PSMA2: variants seen among roughly 807,000 people sequenced by gnomAD.
The protein encoded by PSMA2 is proteasome subunit alpha type-2.
Under a neutral mutation model 35.9 loss-of-function variants are expected in PSMA2, and 2 were observed. The ratio of observed to expected loss-of-function variants is 0.06; its 90% CI spans 0.02 to 0.18. The LOEUF (loss-of-function observed/expected upper bound fraction) is 0.18, where lower values mean the gene tolerates loss of function less well. PSMA2 is among the 10% of genes least tolerant of loss of function. The probability of loss-of-function intolerance (pLI) is 1.00; values close to 1 mark genes in which losing one functional copy is unlikely to be tolerated. For synonymous variants in PSMA2, 97 were observed against 98.2 expected (o/e 0.99, Z 0.07); for missense variants, 126 against 278.8 (o/e 0.45, Z 3.90).
At chr7:42,927,531 G>C in intron 1 of PSMA2, 72 bp from the exon 2 acceptor site, 1 of 1,434,004 alleles carries the variant, frequency 7.0e-7, no homozygotes, top group Non-Finnish European at 9.8e-7. Context: ...CTCTGAGATA[G>C]TACAGACATA....
At position 42,917,122 on chromosome 7, in the gene PSMA2, C is replaced by T. The variant is rs912044794; in HGVS notation, c.*452G>A. On this transcript the variant is annotated 3_prime_UTR_variant, in exon 8 of 8. Transcript: ENST00000223321. ...TTTCACTGATCAATACCTAATGGCA[C>T]CTAAAAGTACCTATGCTTCTTTTCT... The T allele has an allele frequency of 6.1e-6, 1 of 164,284 alleles. No individual in the cohort carries two copies. The highest frequency in any genetic ancestry group is 2.4e-5 in the African/African-American group (1 of 41,534). 10.2% of individuals were successfully genotyped at this position (164,284 alleles called of 1,614,324 possible). A position where few individuals can be genotyped will look rare whatever the true frequency, so the allele number is the denominator to read the frequency against.
At chr7:42,921,798 G>C in intron 6 of PSMA2, 60 bp downstream of exon 6, 1 of 1,354,352 alleles carries the variant, frequency 7.4e-7, no homozygotes, top group Non-Finnish European at 1.0e-6. Context: ...TTTACTTAAA[G>C]AGCACCAAAA....
intron 5 of PSMA2, 108 bp downstream of exon 5, chr7:42,923,216 GA>G: frequency 1.2e-6 from 1 of 840,636 alleles, no homozygotes. Flanking sequence ...AAGCCCAAGA[GA>G]AAAGAAGAAA....
At chr7:42,927,358 TGAA>T (rs1395011834) in intron 2 of PSMA2, 22 bp downstream of exon 2, 2 of 1,592,162 alleles carry the variant, frequency 1.3e-6, no homozygotes, top group African/African-American at 2.7e-5. Context: ...AACAGGCATC[TGAA>T]ATGAATGAAG....
intron 1 of PSMA2, among the ~76,000 whole-genome samples, chr7:42,929,064 G>A (rs367929818): frequency 6.6e-6 from 1 of 151,628 alleles, no homozygotes; most frequent in Non-Finnish European, 1.5e-5. Context: ...CTCCTGCCTC[G>A]GTCTCTTTAT....
chr7:42,924,912 G>A, intron 3 of PSMA2, 115 bp from the exon 4 acceptor site: 1 of 944,018 alleles, frequency 1.1e-6, no homozygotes, highest in East Asian at 3.1e-5. Flanking sequence ...TCTCTTTAAT[G>A]GTGGCTATTG....
intron 6 of PSMA2, chr7:42,921,335 C>T (rs2128673738): frequency 6.6e-6 from 1 of 152,364 alleles, no homozygotes; most frequent in South Asian, 2.1e-4. Flanking sequence ...TACAGTAACA[C>T]TGAGACTAGA....
Position 42,916,934 on chromosome 7 carries a change from T to C in PSMA2, c.*640A>G, listed in dbSNP as rs1161425255. The C allele has an allele frequency of 6.6e-6, 1 of 152,182 alleles. No homozygotes were observed. The highest frequency in any genetic ancestry group is 2.4e-5 in the African/African-American group (1 of 41,442). 9.4% of individuals were successfully genotyped at this position (152,182 alleles called of 1,614,324 possible). On this transcript the variant is annotated 3_prime_UTR_variant, in exon 8 of 8. Transcript: ENST00000223321. ...CTTGAGTTTAAAAAGTCTAACAAAA[T>C]CTAAGAACCCGGGTTCCTTTAAACA...
At chr7:42,925,131 A>G (rs982905690) in intron 3 of PSMA2, among the ~76,000 whole-genome samples, 1 of 152,238 alleles carries the variant, frequency 6.6e-6, no homozygotes, top group African/African-American at 2.4e-5. Context: ...ACACACAAGC[A>G]CACATAAACA....
chr7:42,931,242 C>T (rs962106978), intron 1 of PSMA2: 3 of 409,240 alleles, frequency 7.3e-6, no homozygotes, highest in African/African-American at 4.2e-5. Flanking sequence ...CAAGTTAGAT[C>T]CCGCCTGCCT....
intron 6 of PSMA2, chr7:42,918,299 C>G (rs1786065633): frequency 6.6e-6 from 1 of 152,382 alleles, no homozygotes; most frequent in Non-Finnish European, 1.5e-5. Context: ...TACCAAAGTG[C>G]TGGGATTACA....
intron 1 of PSMA2, among the ~76,000 whole-genome samples, chr7:42,929,420 A>G (rs939427969): frequency 2.6e-5 from 4 of 152,260 alleles, no homozygotes; most frequent in African/African-American, 4.8e-5. Flanking sequence ...TGTAAACTTA[A>G]TAGCTACCAT....
chr7:42,919,941 T>G (rs575852103), intron 6 of PSMA2: 1 of 752,710 alleles, frequency 1.3e-6, no homozygotes, highest in African/African-American at 1.7e-5. Flanking sequence ...GAAAAACATA[T>G]GGCCTTTGGA....
intron 6 of PSMA2, 46 bp from the exon 7 acceptor site, chr7:42,917,881 T>C: frequency 2.3e-6 from 3 of 1,303,768 alleles, no homozygotes; most frequent in Non-Finnish European, 3.2e-6. Context: ...TTATATTCTT[T>C]ATAACTATTT....
At chr7:42,926,261 A>C (rs1434126697) in intron 3 of PSMA2, among the ~76,000 whole-genome samples, 1 of 152,236 alleles carries the variant, frequency 6.6e-6, no homozygotes, top group African/African-American at 2.4e-5. Context: ...GGATAGTAGA[A>C]GAGGAATATG....
At chr7:42,932,062 C>T (rs1786323181) in intron 1 of PSMA2, 56 bp downstream of exon 1, 1 of 1,608,256 alleles carries the variant, frequency 6.2e-7, no homozygotes, top group East Asian at 2.2e-5. Flanking sequence ...AAAACTAAAT[C>T]GACAGAGTAC....
chr7:42,920,177 G>A, intron 6 of PSMA2: 1 of 334,974 alleles, frequency 3.0e-6, no homozygotes. Context: ...GTTACTCTCT[G>A]CTTAAGGCAA....
chr7:42,930,453 T>C (rs1050631422), intron 1 of PSMA2, among the ~76,000 whole-genome samples: 3 of 151,962 alleles, frequency 2.0e-5, no homozygotes, highest in African/African-American at 7.3e-5. Flanking sequence ...GGTCTTGCTG[T>C]GTTGCCCAGG....
At position 42,917,835 on chromosome 7, in the gene PSMA2, T is replaced by G. The variant is rs767865796; in HGVS notation, c.531A>C (p.Arg177Ser). The change falls in exon 7 of 8, where the codon AGA becomes AGC. Residue 177 changes from arginine (R) to serine (S), a missense_variant and splice_region_variant. This residue lies in a region of PSMA2 where 42 missense variants were observed against 83.6 expected (regional missense o/e 0.50). Transcript: ENST00000223321. The part of the protein sequence containing the change: ...YVNGKTFLEK[R>S]YNEDLELEDA... The stretch of plus-strand genomic sequence containing the variant: ...CTTCAAGTTCCAGATCTTCATTATA[T>G]CTGAAGAATTTAAAAAAAATTACTT... 3 of 1,588,388 alleles carry G rather than the reference T, an allele frequency of 1.9e-6. No individual in the cohort carries two copies. The highest frequency in any genetic ancestry group is 2.6e-6 in the Non-Finnish European group (3 of 1,165,576).
Sources: gnomAD v4.1 joint callset for allele counts (sites outside exome capture counted in the v4.1 genomes callset) on GRCh38, gnomAD v4.1.1 for gene constraint, gnomAD v4.1.1 regional missense constraint, MANE v1.5 for transcripts, NCBI Gene and HGNC (gene_info 2026-07-23, HGNC 2026-07-21) for gene names.